Variants in IL23R observed in about 807,000 individuals in gnomAD.
IL23R encodes interleukin 23 receptor.
In IL23R, 34 loss-of-function variants were observed where a neutral mutation model predicts 56.9. That is an observed-to-expected ratio of 0.60 (90% CI 0.45 to 0.80). The LOEUF is 0.80. Ranked by LOEUF, IL23R falls within the 30% of genes least tolerant of loss-of-function variation. The probability of loss-of-function intolerance (pLI) is 0.00; values close to 1 mark genes in which losing one functional copy is unlikely to be tolerated. For missense variants in IL23R, 635 were observed against 730.0 expected, an observed-to-expected ratio of 0.87 and a Z score of 1.50; for synonymous variants, 230 against 249.2, an observed-to-expected ratio of 0.92 and a Z score of 0.73.
At chr1:67,153,550 T>G (rs1454517879) in intron 1 of IL23R, among the ~76,000 whole-genome samples, 1 of 152,172 alleles carries the variant, frequency 6.6e-6, no homozygotes, top group African/African-American at 2.4e-5. Flanking sequence ...AGGTGATGAT[T>G]TGAGATCTTT....
intron 1 of IL23R, among the ~76,000 whole-genome samples, chr1:67,166,742 T>C (rs1646877981): frequency 6.6e-6 from 1 of 152,194 alleles, no homozygotes; most frequent in African/African-American, 2.4e-5. Context: ...AACTTCTAAC[T>C]AGGAACATTT....
intron 9 of IL23R, among the ~76,000 whole-genome samples, chr1:67,252,451 C>T (rs899461853): frequency 2.6e-5 from 4 of 152,160 alleles, no homozygotes; most frequent in African/African-American, 9.7e-5. Flanking sequence ...TCTGTTGTGA[C>T]TTCTGAACCC....
chr1:67,157,027 C>T (rs922075473), intron 1 of IL23R, among the ~76,000 whole-genome samples: 2 of 152,112 alleles, frequency 1.3e-5, no homozygotes, highest in Non-Finnish European at 2.9e-5. Flanking sequence ...AGTCCCTTAC[C>T]GCTTCACTTG....
chr1:67,151,090 A>G (rs567615883), intron 1 of IL23R, among the ~76,000 whole-genome samples: 34 of 152,202 alleles, frequency 2.2e-4, no homozygotes, highest in Non-Finnish European at 4.6e-4. Context: ...AAGCATTCCT[A>G]TTTCTCCGCA....
At chr1:67,166,110 G>A (rs1406629836), upstream of IL23R, among the ~76,000 whole-genome samples, 1 of 151,948 alleles carries the variant, frequency 6.6e-6, no homozygotes, top group Non-Finnish European at 1.5e-5. Context: ...CAACAAAGCT[G>A]GAAAACTAAA....
intron 1 of IL23R, among the ~76,000 whole-genome samples, chr1:67,154,525 CT>C (rs544131257): frequency 6.6e-4 from 100 of 152,088 alleles, no homozygotes; most frequent in African/African-American, 2.3e-3. Flanking sequence ...CCTTCTCTGT[CT>C]TTTTTTAATT....
chr1:67,169,591 A>T lies in IL23R; in HGVS notation c.320A>T (p.Lys107Ile), dbSNP rs1368052402. ...ATGTACTGCACTGCTGAATGTCCCA[A>T]ACATTTTCAAGAGACACTGATATGT... ...ASMYCTAECPKHFQETLICGK... is the reference protein window; with the variant it reads ...ASMYCTAECPIHFQETLICGK... The change falls in exon 3 of 11, where the codon AAA (lysine) becomes ATA (isoleucine). Residue 107 changes from lysine (K) to isoleucine (I), a missense_variant. Transcript: ENST00000347310. The T allele has an allele frequency of 6.2e-7, 1 of 1,614,050 alleles. No individual in the cohort carries two copies. The highest frequency in any genetic ancestry group is 8.5e-7 in the Non-Finnish European group (1 of 1,179,998).
At chr1:67,214,944 G>A (rs942712016) in intron 6 of IL23R, among the ~76,000 whole-genome samples, 9 of 152,154 alleles carry the variant, frequency 5.9e-5, no homozygotes, top group African/African-American at 2.2e-4. Context: ...ATAGATTCCA[G>A]ACATTGTATA....
chr1:67,211,504 T>A (rs1274890431), intron 6 of IL23R, among the ~76,000 whole-genome samples: 1 of 151,954 alleles, frequency 6.6e-6, no homozygotes, highest in African/African-American at 2.4e-5. Flanking sequence ...GTGCCTGTAA[T>A]CCCAGCTACT....
chr1:67,159,408 T>C (rs1646797780), intron 1 of IL23R, among the ~76,000 whole-genome samples: 1 of 152,154 alleles, frequency 6.6e-6, no homozygotes, highest in Non-Finnish European at 1.5e-5. Context: ...GTAAGTTTTC[T>C]GAGGCCTCCT....
At chr1:67,186,868 G>T (rs1238165568) in intron 4 of IL23R, among the ~76,000 whole-genome samples, 1 of 152,108 alleles carries the variant, frequency 6.6e-6, no homozygotes, top group Non-Finnish European at 1.5e-5. Context: ...CAACCCTCCT[G>T]CCTTGGCCTC....
intron 4 of IL23R, among the ~76,000 whole-genome samples, 197 bp from the exon 5 acceptor site, chr1:67,200,540 A>G (rs2102622308): frequency 6.6e-6 from 1 of 151,258 alleles, no homozygotes. Flanking sequence ...TTACAGGCAC[A>G]TGCCACCAAT....
At chr1:67,248,158 CT>C (rs1404000235) in intron 9 of IL23R, among the ~76,000 whole-genome samples, 2 of 152,114 alleles carry the variant, frequency 1.3e-5, no homozygotes, top group Non-Finnish European at 2.9e-5. Flanking sequence ...AAAGTTTGGC[CT>C]GTTTTGCTAG....
intron 2 of IL23R, 51 bp downstream of exon 2, chr1:67,168,241 T>C (rs769314113): frequency 1.6e-6 from 2 of 1,219,686 alleles, no homozygotes; most frequent in Non-Finnish European, 2.4e-6. Context: ...AAATGGAATA[T>C]TGAGTGATTA....
At chr1:67,223,181 G>A (rs1441600514) in intron 7 of IL23R, among the ~76,000 whole-genome samples, 1 of 152,158 alleles carries the variant, frequency 6.6e-6, no homozygotes, top group Non-Finnish European at 1.5e-5. Flanking sequence ...TTGAACTTGA[G>A]AGGCGGAGGT....
chr1:67,149,395 T>C (rs911086675), intron 1 of IL23R, among the ~76,000 whole-genome samples: 1 of 152,126 alleles, frequency 6.6e-6, no homozygotes, highest in African/African-American at 2.4e-5. Context: ...GCTGCAGTTA[T>C]TCCACACTTC....
intron 7 of IL23R, among the ~76,000 whole-genome samples, chr1:67,229,491 AG>A (rs1418753365): frequency 6.6e-6 from 1 of 152,166 alleles, no homozygotes; most frequent in Non-Finnish European, 1.5e-5. Context: ...TCATTACATA[AG>A]CATGATTGAT....
At chr1:67,186,169 T>C (rs974038745) in intron 4 of IL23R, among the ~76,000 whole-genome samples, 1 of 152,122 alleles carries the variant, frequency 6.6e-6, no homozygotes, top group Non-Finnish European at 1.5e-5. Context: ...GTGAGGGCAG[T>C]ATGGCAGCAA....
Position 67,259,009 on chromosome 1 carries a change from C to T in IL23R, c.1771C>T (p.Pro591Ser). 1 of 1,614,022 alleles carries T rather than the reference C, an allele frequency of 6.2e-7. No homozygotes were observed. Among genetic ancestry groups the T allele is most frequent in the Non-Finnish European group, 8.5e-7 (1 of 1,179,986 alleles). Reference protein sequence around the residue: ...SETIPEQTLLPDEFVSCLGIV... With the variant: ...SETIPEQTLLSDEFVSCLGIV... ...AACTATTCCAGAACAGACCCTGCTT[C>T]CTGATGAATTTGTCTCCTGTTTGGG... Residue 591 changes from proline to serine, a missense_variant, in exon 11 of 11, where the codon CCT becomes TCT. Coordinates refer to ENST00000347310, the MANE Select transcript of IL23R (RefSeq NM_144701.3).
Sources: allele counts gnomAD v4.1 joint callset (sites outside exome capture counted in the v4.1 genomes callset), GRCh38; gene constraint gnomAD v4.1.1; transcripts MANE v1.5; gene names NCBI Gene and HGNC (gene_info 2026-07-23, HGNC 2026-07-21).